PCDHA7: variants seen among roughly 807,000 people sequenced by gnomAD.
PCDHA7 encodes the protein protocadherin alpha 7.
PCDHA7 carries 37 observed loss-of-function variants against 57.2 expected under a neutral mutation model. That is an observed-to-expected ratio of 0.65 (90% CI 0.50 to 0.85). PCDHA7 has a LOEUF of 0.85. Among genes scored for constraint, PCDHA7 ranks in the 40% least tolerant of loss-of-function variants. The probability of loss-of-function intolerance (pLI) is 0.00; values close to 1 mark genes in which losing one functional copy is unlikely to be tolerated. For synonymous variants in PCDHA7, 553 were observed against 558.8 expected, an observed-to-expected ratio of 0.99 and a Z score of 0.15; for missense variants, 1,188 against 1,241.8, an observed-to-expected ratio of 0.96 and a Z score of 0.65.
intron 1 of PCDHA7, among the ~76,000 whole-genome samples, chr5:140,938,299 A>T (rs995168721): frequency 1.3e-5 from 2 of 152,192 alleles, no homozygotes; most frequent in Admixed American, 6.5e-5. Flanking sequence ...TTGCCTATGA[A>T]ATTCAGTATA....
At chr5:140,896,226 T>G (rs1554186874) in intron 1 of PCDHA7, among the ~76,000 whole-genome samples, 1 of 152,242 alleles carries the variant, frequency 6.6e-6, no homozygotes, top group African/African-American at 2.4e-5. Flanking sequence ...GTCTTTATAG[T>G]AGAATGACTT....
intron 3 of PCDHA7, among the ~76,000 whole-genome samples, chr5:141,001,711 A>G (rs1167965864): frequency 1.3e-5 from 2 of 152,222 alleles, no homozygotes; most frequent in South Asian, 2.1e-4. Context: ...GGGGGCGGGG[A>G]AGGAGCTTGA....
At chr5:140,850,475 G>C (rs2150485791) in intron 1 of PCDHA7, 7 of 1,597,894 alleles carry the variant, frequency 4.4e-6, no homozygotes, top group Middle Eastern at 1.7e-4. Flanking sequence ...CAGCGCTGAC[G>C]GCCACGGCCA....
chr5:140,929,694 A>G, intron 1 of PCDHA7: 1 of 270,028 alleles, frequency 3.7e-6, no homozygotes, highest in Non-Finnish European at 7.3e-6. Flanking sequence ...AGTCTGCTTT[A>G]TATGAATATA....
intron 1 of PCDHA7, chr5:140,856,080 A>G: frequency 6.3e-7 from 1 of 1,594,626 alleles, no homozygotes; most frequent in African/African-American, 1.3e-5. Context: ...CTGGGGGTCC[A>G]GTGTCTGCTG....
At chr5:140,962,803 T>C (rs2095709614) in intron 1 of PCDHA7, among the ~76,000 whole-genome samples, 1 of 152,240 alleles carries the variant, frequency 6.6e-6, no homozygotes. Context: ...TGGACAACTC[T>C]AAACATCAGA....
At chr5:140,838,079 T>TATA (rs1775498021) in intron 1 of PCDHA7, among the ~76,000 whole-genome samples, 4 of 6,872 alleles carry the variant, frequency 5.8e-4, no homozygotes, top group African/African-American at 2.3e-3. Context: ...ATATATATAG[T>TATA]GTGTGTGTGT....
intron 1 of PCDHA7, chr5:140,852,575 CTTT>C (rs1395261617): frequency 1.3e-6 from 1 of 799,030 alleles, no homozygotes. Context: ...TGTGCCAAGG[CTTT>C]TTTATTTTTT....
At position 140,851,173 on chromosome 5, in the gene PCDHA7, A is replaced by C. The variant is rs1392883501; in HGVS notation, c.2355+14435A>C. Reference sequence around the variant, plus strand: ...ATTTCTGATGCTATGCTGCCATAACACTTGAAAACCAATTTAGTTGTTAGT... The same window carrying C: ...ATTTCTGATGCTATGCTGCCATAACCCTTGAAAACCAATTTAGTTGTTAGT... On this transcript the variant is annotated intron_variant, in intron 1 of 3. Coordinates refer to ENST00000525929, the MANE Select transcript of PCDHA7 (RefSeq NM_018910.3). The C allele has an allele frequency of 5.1e-5, 64 of 1,267,254 alleles. 8 individuals carry two copies. The highest frequency in any genetic ancestry group is 6.0e-5 in the Non-Finnish European group (59 of 985,446). 78.5% of individuals were successfully genotyped at this position (1,267,254 alleles called of 1,614,324 possible).
At chr5:140,894,527 G>T (rs1184887485) in intron 1 of PCDHA7, among the ~76,000 whole-genome samples, 1 of 151,472 alleles carries the variant, frequency 6.6e-6, no homozygotes, top group African/African-American at 2.4e-5. Flanking sequence ...ATGCTGTTAT[G>T]TGCCTTCTGG....
At chr5:140,842,027 AATG>A (rs2150327621) in intron 1 of PCDHA7, 1 of 1,613,850 alleles carries the variant, frequency 6.2e-7, no homozygotes, top group East Asian at 2.2e-5. Flanking sequence ...GCTGGATGTG[AATG>A]ATAATGCTCC....
At position 140,946,316 on chromosome 5, in the gene PCDHA7, G is replaced by C. The variant is rs1293160526; in HGVS notation, c.2356-32633G>C. ...CACACCTGGTAGAATGGCTATTATTGAAAGAGGAAAGATAACAAGTGATGG... is the reference window on the plus strand; with the variant it reads ...CACACCTGGTAGAATGGCTATTATTCAAAGAGGAAAGATAACAAGTGATGG... On this transcript the variant is annotated intron_variant, in intron 1 of 3. Transcript: ENST00000525929. Among the ~76,000 whole-genome samples, 3 of 151,662 alleles carry C rather than the reference G, an allele frequency of 2.0e-5. No individual in the cohort carries two copies. In the East Asian group the frequency reaches 5.8e-4, roughly 29 times the overall value.
At chr5:140,946,345 G>A (rs1292610586) in intron 1 of PCDHA7, among the ~76,000 whole-genome samples, 1 of 151,836 alleles carries the variant, frequency 6.6e-6, no homozygotes, top group Non-Finnish European at 1.5e-5. Flanking sequence ...GTGATGGAGA[G>A]GATGTGGAGA....
At chr5:140,870,773 A>C (rs1554164699) in intron 1 of PCDHA7, 1 of 1,613,598 alleles carries the variant, frequency 6.2e-7, no homozygotes, top group Admixed American at 1.7e-5. Context: ...GTGCTGGACG[A>C]GAACGACAAC....
At chr5:140,933,253 A>G (rs958671776) in intron 1 of PCDHA7, among the ~76,000 whole-genome samples, 2 of 152,008 alleles carry the variant, frequency 1.3e-5, no homozygotes, top group Non-Finnish European at 2.9e-5. Context: ...TATAAACACA[A>G]AAGGTTATTA....
chr5:140,836,947 T>C (rs1208330936), intron 1 of PCDHA7: 5 of 442,006 alleles, frequency 1.1e-5, no homozygotes, highest in Non-Finnish European at 1.9e-5. Flanking sequence ...GATCAAAATC[T>C]ATGGTTTATG....
intron 1 of PCDHA7, chr5:140,884,544 G>A (rs1554181708): frequency 6.2e-7 from 1 of 1,614,222 alleles, no homozygotes; most frequent in East Asian, 2.2e-5. Flanking sequence ...CCGAGGGTGT[G>A]CTCTGGGGAG....
rs550197512 is a variant in PCDHA7, at chr5:140,883,885, C to G, written c.2355+47147C>G. On this transcript the variant is annotated intron_variant, in intron 1 of 3. Coordinates refer to ENST00000525929, the MANE Select transcript of PCDHA7 (RefSeq NM_018910.3). ...TGCAGTTCCAGGTGAGCGCGCGCGA[C>G]TCTGGCGTGCCGCCTCTGGGCAGCA... The G allele has an allele frequency of 6.1e-5, 99 of 1,613,382 alleles. No homozygotes were observed. Among genetic ancestry groups the G allele is most frequent in the East Asian group, 1.6e-4 (7 of 44,866 alleles).
At chr5:140,957,851 T>TG (rs2095389296) in intron 1 of PCDHA7, among the ~76,000 whole-genome samples, 1 of 136,014 alleles carries the variant, frequency 7.4e-6, no homozygotes. Flanking sequence ...AGAGTTTGTG[T>TG]ATTTTTTTTC....
Sources: gnomAD v4.1 joint callset for allele counts (sites outside exome capture counted in the v4.1 genomes callset) on GRCh38, gnomAD v4.1.1 for gene constraint, MANE v1.5 for transcripts, NCBI Gene and HGNC (gene_info 2026-07-23, HGNC 2026-07-21) for gene names.